Variants in ALMS1 observed in about 807,000 individuals in gnomAD.
The protein encoded by ALMS1 is centrosome-associated protein ALMS1.
ALMS1 carries 271 observed loss-of-function variants against 352.2 expected under a neutral mutation model. The ratio of observed to expected loss-of-function variants is 0.77; its 90% CI spans 0.70 to 0.85. The LOEUF (loss-of-function observed/expected upper bound fraction) is 0.85, where lower values mean the gene tolerates loss of function less well. ALMS1 is among the 40% of genes least tolerant of loss of function. The pLI is 0.00. For synonymous variants in ALMS1, 1,865 were observed against 1,761.2 expected (o/e 1.06, Z -1.48); for missense variants, 5,445 against 4,870.7 (o/e 1.12, Z -3.51).
At chr2:73,552,638 A>G (rs1457181495) in intron 13 of ALMS1, among the ~76,000 whole-genome samples, 2 of 152,234 alleles carry the variant, frequency 1.3e-5, no homozygotes, top group African/African-American at 4.8e-5. Flanking sequence ...GTCTACTTAC[A>G]GACTTTGCAT....
rs1365673029 is a variant in ALMS1 at position 73,538,297 on chromosome 2, G to T, written c.9907+3348G>T. Among the ~76,000 whole-genome samples, 4 of 152,098 alleles carry T rather than the reference G, an allele frequency of 2.6e-5. No individual in the cohort carries two copies. In the East Asian group the frequency reaches 7.7e-4, roughly 29 times the overall value. ...ACGTGCAAATAGCCAATAAACACCT[G>T]AAAATCTTCTCTATATCATTAATCA... On this transcript the variant is annotated intron_variant, in intron 12 of 22. Transcript: ENST00000613296.
intron 9 of ALMS1, among the ~76,000 whole-genome samples, chr2:73,485,448 G>T (rs1001665746): frequency 6.6e-6 from 1 of 152,248 alleles, no homozygotes; most frequent in African/African-American, 2.4e-5. Flanking sequence ...ATCTCCAGCT[G>T]TGTGCTGGGA....
At chr2:73,518,010 CT>C (rs1483912428) in intron 10 of ALMS1, among the ~76,000 whole-genome samples, 3 of 151,528 alleles carry the variant, frequency 2.0e-5, no homozygotes, top group Non-Finnish European at 2.9e-5. Flanking sequence ...CCAATTTGTT[CT>C]ATAGGTAAAC....
At chr2:73,488,058 G>C (rs1672892498) in intron 9 of ALMS1, among the ~76,000 whole-genome samples, 2 of 152,180 alleles carry the variant, frequency 1.3e-5, no homozygotes, top group South Asian at 2.1e-4. Flanking sequence ...TCTCCTTTCT[G>C]CGAAACTGGC....
rs1182322031 is a variant in ALMS1 at position 73,385,928 on chromosome 2, G to GGAGGAGGAGGAGGAGGAGGAA, written c.74_75insGGAGGAAGAGGAGGAGGAGGA (p.Glu22_Glu28dup). On this transcript the variant is annotated inframe_insertion, in exon 1 of 23. Transcript: ENST00000613296. ...TGGAGGAGGAGGAGGAGGAGGAGGA[G>GGAGGAGGAGGAGGAGGAGGAA]GAGGAGGAGGAGGAAGAGGAGGAGG... 9.5e-7 allele frequency: 1 copy of GGAGGAGGAGGAGGAGGAGGAA among 1,048,364 alleles called. No individual in the cohort carries two copies. Among genetic ancestry groups the GGAGGAGGAGGAGGAGGAGGAA allele is most frequent in the Admixed American group, 2.0e-5 (1 of 49,650 alleles). The allele number at this position is 1,048,364 out of a possible 1,614,324, so 64.9% of individuals were successfully genotyped here.
intron 16 of ALMS1, among the ~76,000 whole-genome samples, chr2:73,592,211 C>T (rs1042927435): frequency 7.2e-5 from 11 of 152,168 alleles, no homozygotes; most frequent in Admixed American, 6.5e-4. Context: ...GAAGATTTTC[C>T]ATAGTTTTCT....
intron 16 of ALMS1, among the ~76,000 whole-genome samples, chr2:73,595,248 T>C (rs1051600624): frequency 6.6e-6 from 1 of 152,216 alleles, no homozygotes; most frequent in Non-Finnish European, 1.5e-5. Flanking sequence ...TTACAGAGTT[T>C]TGCAATCATC....
intron 16 of ALMS1, among the ~76,000 whole-genome samples, chr2:73,589,728 T>C (rs1462887445): frequency 6.6e-6 from 1 of 152,246 alleles, no homozygotes; most frequent in Non-Finnish European, 1.5e-5. Flanking sequence ...GGAGTGCATC[T>C]ACCCACTTAC....
At chr2:73,517,709 G>A (rs1673589538) in intron 10 of ALMS1, among the ~76,000 whole-genome samples, 1 of 151,342 alleles carries the variant, frequency 6.6e-6, no homozygotes, top group African/African-American at 2.4e-5. Flanking sequence ...CCAAGTTGGA[G>A]TGCAATGGCG....
At chr2:73,572,237 C>A (rs371520881) in intron 15 of ALMS1, 25 bp from the exon 16 acceptor site, 146 of 1,590,648 alleles carry the variant, frequency 9.2e-5, no homozygotes, top group Non-Finnish European at 1.2e-4. Flanking sequence ...TAAGTTCTTT[C>A]AAAATCTTTT....
chr2:73,569,803 A>G (rs1674881390), intron 15 of ALMS1, among the ~76,000 whole-genome samples: 1 of 152,230 alleles, frequency 6.6e-6, no homozygotes, highest in Non-Finnish European at 1.5e-5. Flanking sequence ...ACTATAGTAT[A>G]GTTATCAGGA....
chr2:73,405,083 G>A (rs1475634149), intron 1 of ALMS1, among the ~76,000 whole-genome samples: 3 of 150,814 alleles, frequency 2.0e-5, no homozygotes, highest in South Asian at 2.1e-4. Flanking sequence ...AGCTATTTTC[G>A]TTGTATTTTT....
At chr2:73,389,152 A>G (rs1306196661) in intron 1 of ALMS1, among the ~76,000 whole-genome samples, 4 of 152,098 alleles carry the variant, frequency 2.6e-5, no homozygotes. Flanking sequence ...GTGAGATGGT[A>G]TCTCATTGTG....
chr2:73,448,163 C>A lies in ALMS1; in HGVS notation c.1636C>A (p.His546Asn). 1 of 1,614,054 alleles carries A rather than the reference C, an allele frequency of 6.2e-7. No homozygotes were observed. Among genetic ancestry groups the A allele is most frequent in the Non-Finnish European group, 8.5e-7 (1 of 1,179,938 alleles). ...CAACCAAAAGACATTAGCAGATACT[C>A]ATCTAACTGAAGAGACTCTGAAAGT... is the stretch of plus-strand genomic sequence containing the variant. ...TLNQKTLADT[H>N]LTEETLKVTA... The change falls in exon 8 of 23, where the codon CAT (histidine) becomes AAT (asparagine). Residue 546 changes from histidine (H) to asparagine (N), a missense_variant. Transcript: ENST00000613296.
chr2:73,578,686 T>C (rs1675105020), intron 16 of ALMS1, among the ~76,000 whole-genome samples: 2 of 152,170 alleles, frequency 1.3e-5, no homozygotes, highest in African/African-American at 4.8e-5. Context: ...ACACAAAAAC[T>C]GTGGGTAGAC....
chr2:73,439,029 TTC>T (rs1394087164), intron 7 of ALMS1, among the ~76,000 whole-genome samples: 3 of 151,812 alleles, frequency 2.0e-5, no homozygotes, highest in South Asian at 2.1e-4. Context: ...CCTTTTTTTC[TTC>T]TTTTTTCTTC....
At chr2:73,507,894 G>C (rs1229070428) in intron 10 of ALMS1, among the ~76,000 whole-genome samples, 3 of 151,968 alleles carry the variant, frequency 2.0e-5, no homozygotes, top group Non-Finnish European at 4.4e-5. Flanking sequence ...GATCTTTCCT[G>C]CTTTCTCCTG....
chr2:73,444,946 T>C (rs911320190), intron 7 of ALMS1, among the ~76,000 whole-genome samples: 6 of 152,094 alleles, frequency 3.9e-5, no homozygotes, highest in Non-Finnish European at 8.8e-5. Flanking sequence ...ATAAAAATGA[T>C]ATAGTAATTA....
In ALMS1 at chr2:73,573,143, G is replaced by T; in HGVS notation, c.11266G>T (p.Gly3756Cys). Residue 3756 changes from glycine to cysteine, a missense_variant, in exon 16 of 23, where the codon GGC becomes TGC. Physicochemically the swap from Gly to Cys is radical, Grantham distance 159. Transcript: ENST00000613296. Reference protein sequence around the residue: ...LTDTTTNILSGTTSTVESDIL... With the variant: ...LTDTTTNILSCTTSTVESDIL... ...AGATACTACCACCAACATCCTTTCCGGCACCACTTCTACTGTCGAATCAGA... is the reference window on the plus strand; with the variant it reads ...AGATACTACCACCAACATCCTTTCCTGCACCACTTCTACTGTCGAATCAGA... 6.2e-7 allele frequency: 1 copy of T among 1,613,642 alleles called. No individual in the cohort carries two copies. The highest frequency in any genetic ancestry group is 8.5e-7 in the Non-Finnish European group (1 of 1,179,928).
Sources: allele counts gnomAD v4.1 joint callset (sites outside exome capture counted in the v4.1 genomes callset), GRCh38; gene constraint gnomAD v4.1.1; transcripts MANE v1.5; gene names NCBI Gene and HGNC (gene_info 2026-07-23, HGNC 2026-07-21).